Variants in ZFTRAF1 observed in about 807,000 individuals in gnomAD.
ZFTRAF1 encodes zinc finger TRAF-type-containing protein 1.
chr8:144,461,364 G>A, the ZFTRAF1 span, among the ~76,000 whole-genome samples: 7 of 152,358 alleles, frequency 4.6e-5, no homozygotes, highest in South Asian at 4.1e-4. Context: ...AAGACACAGG[G>A]AAGGTGGGGA....
chr8:144,460,897 G>A, the ZFTRAF1 span, among the ~76,000 whole-genome samples: 3 of 152,146 alleles, frequency 2.0e-5, no homozygotes, highest in East Asian at 3.9e-4. Flanking sequence ...AAAAAGGAGA[G>A]TTCTTCCGCC....
the ZFTRAF1 span, chr8:144,453,567 TG>T: frequency 9.6e-7 from 1 of 1,038,674 alleles, no homozygotes; most frequent in East Asian, 2.6e-5. Context: ...GGACTCCAGC[TG>T]GTGCAGAGGG....
chr8:144,453,491 C>T, the ZFTRAF1 span: 1 of 1,530,030 alleles, frequency 6.5e-7, no homozygotes, highest in Non-Finnish European at 8.8e-7. Flanking sequence ...ACGAAGCTCA[C>T]AGACCTGCGG....
the ZFTRAF1 span, chr8:144,453,668 A>G: frequency 1.7e-6 from 1 of 575,370 alleles, no homozygotes; most frequent in South Asian, 2.1e-5. Flanking sequence ...GGGTTCTTGC[A>G]GAGATTAGAG....
At chr8:144,459,352 C>A in the ZFTRAF1 span, among the ~76,000 whole-genome samples, 2 of 152,276 alleles carry the variant, frequency 1.3e-5, no homozygotes, top group African/African-American at 2.4e-5. Context: ...GGTGGCTGCA[C>A]ACCTTGTCAG....
chr8:144,453,136 C>T, the ZFTRAF1 span: 14 of 1,257,454 alleles, frequency 1.1e-5, no homozygotes, highest in Non-Finnish European at 1.4e-5. Context: ...AGCCAGACCA[C>T]CCTGCACAGG....
At chr8:144,460,333 G>T in the ZFTRAF1 span, among the ~76,000 whole-genome samples, 1 of 152,246 alleles carries the variant, frequency 6.6e-6, no homozygotes, top group Non-Finnish European at 1.5e-5. Context: ...ACTCTGCACA[G>T]TGCAGGCCGG....
chr8:144,450,364 T>A, the ZFTRAF1 span: 2 of 709,202 alleles, frequency 2.8e-6, no homozygotes, highest in Middle Eastern at 4.6e-4. Context: ...TCCTCGGACA[T>A]CCTGAGGCCC....
chr8:144,460,182 G>A, the ZFTRAF1 span, among the ~76,000 whole-genome samples: 2 of 152,172 alleles, frequency 1.3e-5, no homozygotes, highest in Non-Finnish European at 1.5e-5. Context: ...AGCACTCCTC[G>A]CTCAGCTGCT....
the ZFTRAF1 span, chr8:144,453,172 C>T: frequency 6.6e-7 from 1 of 1,507,540 alleles, no homozygotes; most frequent in South Asian, 1.2e-5. Context: ...GGTGGGCTCC[C>T]AGCAGTCCTG....
the ZFTRAF1 span, chr8:144,449,822 G>C: frequency 6.2e-6 from 1 of 162,064 alleles, no homozygotes; most frequent in Admixed American, 5.6e-5. Flanking sequence ...CTCGGGGGAC[G>C]TGTGCGGGCA....
chr8:144,453,731 G>T, the ZFTRAF1 span: 1 of 402,882 alleles, frequency 2.5e-6, no homozygotes, highest in Admixed American at 3.8e-5. Context: ...CGCCCTGGCA[G>T]TGACGGGTTC....
chr8:144,460,267 C>T, the ZFTRAF1 span, among the ~76,000 whole-genome samples: 7 of 152,268 alleles, frequency 4.6e-5, no homozygotes, highest in Middle Eastern at 3.2e-3. Context: ...CCAGCGCCTT[C>T]GGTCTCCATT....
the ZFTRAF1 span, chr8:144,462,220 G>A: frequency 4.3e-6 from 2 of 470,388 alleles, no homozygotes; most frequent in South Asian, 5.4e-5. Context: ...GCGGATCCTG[G>A]GGCCCCGCGG....
chr8:144,452,589 T>C, the ZFTRAF1 span: 2 of 1,532,078 alleles, frequency 1.3e-6, no homozygotes, highest in East Asian at 2.4e-5. Flanking sequence ...GGCAGGTACA[T>C]CACTCACAGA....
At chr8:144,460,886 A>C in the ZFTRAF1 span, among the ~76,000 whole-genome samples, 275 of 152,314 alleles carry the variant, frequency 1.8e-3, no homozygotes, top group Admixed American at 3.9e-3. Context: ...TCCGTCTCAA[A>C]AAAAAGGAGA....
chr8:144,459,619 G>A, the ZFTRAF1 span, among the ~76,000 whole-genome samples: 1 of 152,346 alleles, frequency 6.6e-6, no homozygotes, highest in Admixed American at 6.5e-5. Flanking sequence ...TTCCCTGCCA[G>A]CACTGGTGGC....
chr8:144,453,276 C>T, the ZFTRAF1 span: 15 of 1,550,898 alleles, frequency 9.7e-6, no homozygotes, highest in East Asian at 2.4e-5. Flanking sequence ...GGGAAACTGG[C>T]GCAGGCAGAA....
At chr8:144,454,074 G>C in the ZFTRAF1 span, 2 of 153,060 alleles carry the variant, frequency 1.3e-5, no homozygotes, top group African/African-American at 4.8e-5. Context: ...ACAAGGGCAG[G>C]TAGGCACACA....
Sources: allele counts gnomAD v4.1 joint callset (sites outside exome capture counted in the v4.1 genomes callset), GRCh38; gene constraint gnomAD v4.1.1; transcripts MANE v1.5; gene names NCBI Gene and HGNC (gene_info 2026-07-23, HGNC 2026-07-21).